CTNNA2: variants seen among roughly 807,000 people sequenced by gnomAD.
CTNNA2 encodes the protein catenin alpha-2.
In CTNNA2, 42 loss-of-function variants were observed where a neutral mutation model predicts 101.0. The ratio of observed to expected loss-of-function variants is 0.42; its 90% CI spans 0.32 to 0.54. CTNNA2 has a LOEUF of 0.54. Among genes scored for constraint, CTNNA2 ranks in the 20% least tolerant of loss-of-function variants. CTNNA2 has a pLI of 0.14. For missense variants in CTNNA2, 871 were observed against 1,223.1 expected (o/e 0.71, Z 4.29); for synonymous variants, 450 against 456.4 (o/e 0.99, Z 0.18).
At chr2:80,338,129 C>T (rs937668540) in intron 7 of CTNNA2, among the ~76,000 whole-genome samples, 1 of 151,930 alleles carries the variant, frequency 6.6e-6, no homozygotes, top group African/African-American at 2.4e-5. Context: ...GCTGGGACTA[C>T]AGGTATGTGC....
chr2:79,365,002 C>T (rs1189084266), intron 3 of CTNNA2, among the ~76,000 whole-genome samples: 6 of 152,056 alleles, frequency 3.9e-5, no homozygotes, highest in Non-Finnish European at 8.8e-5. Flanking sequence ...ATAGGCTGGG[C>T]ACAGTGGCTT....
intron 4 of CTNNA2, among the ~76,000 whole-genome samples, chr2:79,489,741 T>C (rs578038595): frequency 6.6e-6 from 1 of 152,330 alleles, no homozygotes; most frequent in East Asian, 1.9e-4. Context: ...GTGAGGCATG[T>C]CTATGTTTAT....
intron 7 of CTNNA2, among the ~76,000 whole-genome samples, chr2:79,960,242 T>G (rs1390912193): frequency 6.6e-6 from 1 of 152,236 alleles, no homozygotes; most frequent in Non-Finnish European, 1.5e-5. Context: ...CTGACTCAAC[T>G]GTAAAGTTAC....
chr2:80,547,343 G>T (rs1692164536), intron 11 of CTNNA2, among the ~76,000 whole-genome samples: 1 of 152,074 alleles, frequency 6.6e-6, no homozygotes, highest in African/African-American at 2.4e-5. Context: ...CTATAAAATA[G>T]GTACTACTAA....
At chr2:79,800,077 T>A (rs1261205993) in intron 3 of CTNNA2, among the ~76,000 whole-genome samples, 1 of 152,224 alleles carries the variant, frequency 6.6e-6, no homozygotes, top group Admixed American at 6.5e-5. Flanking sequence ...AATCTGTAAC[T>A]TATGTCACTA....
At chr2:79,849,132 A>T (rs996379851) in intron 3 of CTNNA2, among the ~76,000 whole-genome samples, 2 of 152,076 alleles carry the variant, frequency 1.3e-5, no homozygotes, top group Non-Finnish European at 2.9e-5. Flanking sequence ...GACTGCTGTC[A>T]TTTTGCACCT....
At chr2:79,465,810 G>A (rs1558673140) in intron 4 of CTNNA2, among the ~76,000 whole-genome samples, 1 of 152,108 alleles carries the variant, frequency 6.6e-6, no homozygotes, top group Non-Finnish European at 1.5e-5. Context: ...AAGAATGCTT[G>A]TGATTTTTGC....
chr2:79,343,828 T>C (rs1460135960), intron 3 of CTNNA2, among the ~76,000 whole-genome samples: 1 of 152,068 alleles, frequency 6.6e-6, no homozygotes, highest in African/African-American at 2.4e-5. Context: ...TATTCATCCT[T>C]GACCTACAAA....
chr2:80,004,917 G>A (rs1336720730), intron 7 of CTNNA2, among the ~76,000 whole-genome samples: 1 of 152,102 alleles, frequency 6.6e-6, no homozygotes, highest in Non-Finnish European at 1.5e-5. Flanking sequence ...TGGCCAGGCT[G>A]GTCTTGAGCT....
rs369818338 is a variant in CTNNA2, at chr2:80,608,300, A to C, written c.2412A>C (p.Gly804=). 4 of 1,609,670 alleles carry C rather than the reference A, an allele frequency of 2.5e-6. No homozygotes were observed. Among genetic ancestry groups the C allele is most frequent in the African/African-American group, 1.3e-5 (1 of 74,690 alleles). Residue 804 remains glycine, a synonymous_variant, in exon 17 of 19, where the codon GGA becomes GGC. Transcript: ENST00000402739. ...KVKAEVQNLG[G]ELIVSGTGVQ... ...AGGCAGAAGTGCAGAATCTGGGAGG[A>C]GAGCTCATTGTGTCAGGGGTAAGCT...
At chr2:79,950,069 T>A (rs540168132) in intron 7 of CTNNA2, among the ~76,000 whole-genome samples, 1 of 152,174 alleles carries the variant, frequency 6.6e-6, no homozygotes, top group East Asian at 1.9e-4. Flanking sequence ...AAAAATTTAA[T>A]CTTAGCTAAA....
chr2:80,636,741 TC>T (rs1442440208), intron 18 of CTNNA2, among the ~76,000 whole-genome samples: 1 of 152,164 alleles, frequency 6.6e-6, no homozygotes, highest in Non-Finnish European at 1.5e-5. Flanking sequence ...TGTTTAAACA[TC>T]AGCTTCCCAG....
intron 18 of CTNNA2, among the ~76,000 whole-genome samples, chr2:80,644,341 C>G (rs1673825535): frequency 6.6e-6 from 1 of 152,152 alleles, no homozygotes; most frequent in African/African-American, 2.4e-5. Flanking sequence ...ATTATGAAAA[C>G]TTATACGTAT....
At chr2:80,524,055 A>T (rs1389771124) in intron 9 of CTNNA2, among the ~76,000 whole-genome samples, 4 of 152,000 alleles carry the variant, frequency 2.6e-5, no homozygotes, top group African/African-American at 9.7e-5. Context: ...GTCCTGACAA[A>T]AGCATAGCTG....
At position 79,499,194 on chromosome 2, in the gene CTNNA2, A is replaced by G. The variant is rs139425033; in HGVS notation, c.-134-5860A>G. On this transcript the variant is annotated intron_variant, in intron 4 of 21. Coordinates refer to the CTNNA2 transcript ENST00000466387. ...TCACTGACCTCTTTTACCTTGATTC[A>G]GCACCATACACTTGCCATCATGTTT... The G allele has an allele frequency of 2.0e-5, 3 of 152,324 alleles. No individual in the cohort carries two copies. In the East Asian group the frequency reaches 5.8e-4, roughly 29 times the overall value. 9.4% of individuals were successfully genotyped at this position (152,324 alleles called of 1,614,324 possible).
chr2:80,232,345 GTTTTTTTTTTTT>G (rs61454985), intron 7 of CTNNA2, among the ~76,000 whole-genome samples: 2 of 64,844 alleles, frequency 3.1e-5, no homozygotes, highest in Non-Finnish European at 5.1e-5. Flanking sequence ...TTGTTTGTTT[GTTTTTTTTTTTT>G]TTTTTTTTTT....
At chr2:80,140,313 C>G (rs969391672) in intron 7 of CTNNA2, among the ~76,000 whole-genome samples, 1 of 152,126 alleles carries the variant, frequency 6.6e-6, no homozygotes, top group African/African-American at 2.4e-5. Context: ...ATCATTGCTA[C>G]CACTGGCCAC....
intron 13 of CTNNA2, among the ~76,000 whole-genome samples, chr2:80,580,295 G>A (rs1388878769): frequency 1.3e-5 from 2 of 152,144 alleles, no homozygotes; most frequent in African/African-American, 2.4e-5. Context: ...AAGGTGTTTT[G>A]TTCCTGGGCT....
At chr2:80,275,932 CTTG>C (rs1378223901) in intron 7 of CTNNA2, among the ~76,000 whole-genome samples, 3 of 151,644 alleles carry the variant, frequency 2.0e-5, no homozygotes, top group African/African-American at 7.3e-5. Flanking sequence ...TAATATTTTC[CTTG>C]TTGTGAATTT....
Sources: gnomAD v4.1 joint callset for allele counts (sites outside exome capture counted in the v4.1 genomes callset) on GRCh38, gnomAD v4.1.1 for gene constraint, MANE v1.5 for transcripts, NCBI Gene and HGNC (gene_info 2026-07-23, HGNC 2026-07-21) for gene names.